The following CHCHD6 variants were observed in gnomAD, a reference collection of about 807,000 sequenced individuals.
CHCHD6 encodes the protein coiled-coil-helix-coiled-coil-helix domain containing 6, also known as MICOS complex subunit MIC25.
A neutral mutation model predicts 32.3 loss-of-function variants in CHCHD6; 28 were observed. The observed-to-expected ratio is 0.87, with a 90% confidence interval of 0.64 to 1.19. CHCHD6 has a LOEUF of 1.19. CHCHD6 is among the 50% of genes most tolerant of loss of function. The probability of loss-of-function intolerance (pLI) is 0.00; values close to 1 mark genes in which losing one functional copy is unlikely to be tolerated. For missense variants in CHCHD6, 333 were observed against 307.0 expected, an observed-to-expected ratio of 1.08 and a Z score of -0.63; for synonymous variants, 122 against 117.5, an observed-to-expected ratio of 1.04 and a Z score of -0.25.
Position 126,828,405 on chromosome 3 carries a change from C to G in CHCHD6, c.412-24242C>G, listed in dbSNP as rs899429498. On this transcript the variant is annotated intron_variant, in intron 4 of 7. Coordinates refer to ENST00000290913, the MANE Select transcript of CHCHD6 (RefSeq NM_032343.3). ...CAGGCCTCCAGTATCAGTTGGAGTT[C>G]TTTGGTTGGAAACAACAGAAATCAG... Among the ~76,000 whole-genome samples the G allele has an allele frequency of 2.6e-5, 4 of 152,324 alleles. No homozygotes were observed. The South Asian group carries it at 8.3e-4, about 32-fold the overall frequency.
chr3:126,745,239 G>A (rs1053996936), intron 4 of CHCHD6, among the ~76,000 whole-genome samples: 11 of 152,166 alleles, frequency 7.2e-5, no homozygotes, highest in African/African-American at 1.9e-4. Flanking sequence ...GTCAGGTGGC[G>A]AGGGCACTTT....
At chr3:126,905,772 C>G (rs768583852) in intron 5 of CHCHD6, among the ~76,000 whole-genome samples, 1 of 152,144 alleles carries the variant, frequency 6.6e-6, no homozygotes, top group Non-Finnish European at 1.5e-5. Context: ...AGCAAGGAGA[C>G]AGGGTTCTCT....
At chr3:126,811,076 G>A (rs1939634866) in intron 4 of CHCHD6, among the ~76,000 whole-genome samples, 1 of 152,196 alleles carries the variant, frequency 6.6e-6, no homozygotes. Context: ...GAGCTCTAAT[G>A]AATACCAAAA....
chr3:126,857,094 A>G (rs1045046603), intron 5 of CHCHD6, among the ~76,000 whole-genome samples: 1 of 152,100 alleles, frequency 6.6e-6, no homozygotes, highest in African/African-American at 2.4e-5. Context: ...CATCAATTTA[A>G]GTCTGCTAAA....
chr3:126,811,290 G>A (rs548841216), intron 4 of CHCHD6, among the ~76,000 whole-genome samples: 1 of 152,326 alleles, frequency 6.6e-6, no homozygotes, highest in African/African-American at 2.4e-5. Context: ...ACTGTGGCAA[G>A]TGTGGGTGTT....
intron 4 of CHCHD6, among the ~76,000 whole-genome samples, chr3:126,843,843 T>C (rs1012872556): frequency 6.6e-6 from 1 of 152,230 alleles, no homozygotes; most frequent in Non-Finnish European, 1.5e-5. Context: ...ATTTGGTACT[T>C]TTCAGTAGCT....
intron 4 of CHCHD6, among the ~76,000 whole-genome samples, chr3:126,781,360 G>T (rs1358701247): frequency 2.0e-5 from 3 of 152,176 alleles, no homozygotes; most frequent in African/African-American, 7.2e-5. Context: ...ACTCTAATTT[G>T]GCCTGAGGCA....
intron 4 of CHCHD6, among the ~76,000 whole-genome samples, chr3:126,843,208 A>T (rs1941170199): frequency 6.6e-6 from 1 of 152,048 alleles, no homozygotes; most frequent in Non-Finnish European, 1.5e-5. Flanking sequence ...TTCTTTTTTA[A>T]TGTGGTGAAG....
chr3:126,834,405 A>G (rs920156891), intron 4 of CHCHD6, among the ~76,000 whole-genome samples: 5 of 152,224 alleles, frequency 3.3e-5, no homozygotes, highest in African/African-American at 7.2e-5. Flanking sequence ...GATTTTGATT[A>G]TAGCCATAGA....
intron 6 of CHCHD6, chr3:126,953,145 C>T (rs1170407716): frequency 1.0e-6 from 1 of 985,246 alleles, no homozygotes; most frequent in African/African-American, 1.7e-5. Flanking sequence ...GATGCACCGA[C>T]CACACAGTGG....
intron 6 of CHCHD6, among the ~76,000 whole-genome samples, chr3:126,938,757 G>A (rs747666659): frequency 1.4e-5 from 2 of 143,134 alleles, no homozygotes; most frequent in Non-Finnish European, 3.0e-5. Flanking sequence ...GGCTCCCTCA[G>A]GACTGAGGGG....
chr3:126,821,839 T>G (rs980547673), intron 4 of CHCHD6, among the ~76,000 whole-genome samples: 1 of 152,224 alleles, frequency 6.6e-6, no homozygotes, highest in Non-Finnish European at 1.5e-5. Context: ...ACTGAACATC[T>G]TTTCATGTGC....
At chr3:126,878,957 A>G (rs1429758761) in intron 5 of CHCHD6, among the ~76,000 whole-genome samples, 1 of 152,146 alleles carries the variant, frequency 6.6e-6, no homozygotes, top group Non-Finnish European at 1.5e-5. Flanking sequence ...GATGGCTGTG[A>G]GCTGGAATCA....
chr3:126,890,775 G>C (rs1043485110), intron 5 of CHCHD6, among the ~76,000 whole-genome samples: 7 of 152,132 alleles, frequency 4.6e-5, no homozygotes, highest in Admixed American at 1.3e-4. Flanking sequence ...ATTTTTCCAG[G>C]TGTATTTCTG....
Position 126,799,814 on chromosome 3 carries a change from C to T in CHCHD6, c.412-52833C>T, listed in dbSNP as rs972863978. 6.6e-5 allele frequency among the ~76,000 whole-genome samples: 10 copies of T among 152,262 alleles called. No individual in the cohort carries two copies. The South Asian group carries it at 1.0e-3, about 16-fold the overall frequency. ...CACGGCCTGGAGAAAAAGAAGGCTG[C>T]GCCATCTTGGTCTCTGTCCTTCCAA... On this transcript the variant is annotated intron_variant, in intron 4 of 7. Transcript: ENST00000290913.
At chr3:126,870,136 A>C (rs1576532058) in intron 5 of CHCHD6, among the ~76,000 whole-genome samples, 1 of 152,110 alleles carries the variant, frequency 6.6e-6, no homozygotes, top group Admixed American at 6.5e-5. Context: ...TTCTTAATGG[A>C]CCTTACTGGA....
At chr3:126,856,338 G>T (rs569318573) in intron 5 of CHCHD6, among the ~76,000 whole-genome samples, 2 of 152,280 alleles carry the variant, frequency 1.3e-5, no homozygotes, top group Non-Finnish European at 2.9e-5. Context: ...CGGTGGTTCA[G>T]ATGTTCCTTG....
intron 4 of CHCHD6, 126 bp downstream of exon 4, chr3:126,733,348 G>C (rs1935899654): frequency 3.5e-6 from 3 of 862,512 alleles, no homozygotes; most frequent in South Asian, 3.5e-5. Context: ...GATGTGCTCG[G>C]CTTCACCTCT....
chr3:126,724,264 T>A (rs963503892), intron 1 of CHCHD6, among the ~76,000 whole-genome samples: 1 of 152,148 alleles, frequency 6.6e-6, no homozygotes, highest in South Asian at 2.1e-4. Flanking sequence ...GAAAAGGTGA[T>A]ACTGGCACAC....
Sources: gnomAD v4.1 joint callset for allele counts (sites outside exome capture counted in the v4.1 genomes callset) on GRCh38, gnomAD v4.1.1 for gene constraint, MANE v1.5 for transcripts, NCBI Gene and HGNC (gene_info 2026-07-23, HGNC 2026-07-21) for gene names.